The following ABCC9 variants were observed in gnomAD, a reference collection of about 807,000 sequenced individuals.
ABCC9 encodes the protein ATP binding cassette subfamily C member 9.
In ABCC9, 95 loss-of-function variants were observed where a neutral mutation model predicts 188.3. The observed-to-expected ratio is 0.50, with a 90% confidence interval of 0.43 to 0.60. ABCC9 has a LOEUF of 0.60. Ranked by LOEUF, ABCC9 falls within the 20% of genes least tolerant of loss-of-function variation. The pLI is 0.00. For missense variants in ABCC9, 1,102 were observed against 1,876.3 expected, an observed-to-expected ratio of 0.59 and a Z score of 7.62; for synonymous variants, 659 against 652.7, an observed-to-expected ratio of 1.01 and a Z score of -0.15.
chr12:21,878,352 G>T (rs1283796), intron 16 of ABCC9, among the ~76,000 whole-genome samples: 151,733 of 152,322 alleles, frequency 1, 75,575 homozygotes, highest in Middle Eastern at 1. Context: ...TTCGTGATAT[G>T]ATGAAGAATG....
At chr12:21,899,176 C>A (rs1299015540) in intron 12 of ABCC9, among the ~76,000 whole-genome samples, 3 of 152,146 alleles carry the variant, frequency 2.0e-5, no homozygotes, top group African/African-American at 7.2e-5. Flanking sequence ...AAAAACTGTT[C>A]TTGGAGTTAT....
At position 21,852,234 on chromosome 12, in the gene ABCC9, G is replaced by A. The variant is rs531565271; in HGVS notation, c.2644-12C>T. 30 of 1,613,656 alleles carry A rather than the reference G, an allele frequency of 1.9e-5. No individual in the cohort carries two copies. The highest frequency in any genetic ancestry group is 1.1e-4 in the South Asian group (10 of 91,074). ...TTCATGGCTATGATCTAAGGAAAGC[G>A]GATATTCCCAGAAATGTGACGAAAA... On this transcript the variant is annotated splice_polypyrimidine_tract_variant and intron_variant, in intron 23 of 39. Transcript: ENST00000261200.
At chr12:21,872,767 A>T (rs376179284) in intron 17 of ABCC9, 37 bp from the exon 18 acceptor site, 2 of 1,438,634 alleles carry the variant, frequency 1.4e-6, no homozygotes, top group Non-Finnish European at 2.0e-6. Context: ...ACAGAATGAG[A>T]TGGATTCTTG....
chr12:21,835,510 G>T (rs1212325561), intron 30 of ABCC9, among the ~76,000 whole-genome samples: 2 of 152,190 alleles, frequency 1.3e-5, no homozygotes, highest in African/African-American at 4.8e-5. Flanking sequence ...TTTCAGCAAT[G>T]AGATAGGCAC....
intron 22 of ABCC9, among the ~76,000 whole-genome samples, chr12:21,858,108 G>A (rs1945322508): frequency 6.6e-6 from 1 of 152,138 alleles, no homozygotes; most frequent in African/African-American, 2.4e-5. Flanking sequence ...TACAATTGAA[G>A]TAGGTTGGAG....
intron 26 of ABCC9, 29 bp from the exon 27 acceptor site, chr12:21,844,944 T>C (rs1244102664): frequency 1.2e-6 from 2 of 1,611,804 alleles, no homozygotes; most frequent in East Asian, 2.2e-5. Flanking sequence ...AAAAAGCACA[T>C]AGGAAATTAT....
chr12:21,930,813 T>C (rs1006124337), intron 4 of ABCC9, among the ~76,000 whole-genome samples: 3 of 152,124 alleles, frequency 2.0e-5, no homozygotes, highest in Admixed American at 6.5e-5. Context: ...ATGAAAAAAC[T>C]TAAAGGCACC....
chr12:21,829,529 A>G (rs1457627838), intron 30 of ABCC9, among the ~76,000 whole-genome samples: 1 of 152,190 alleles, frequency 6.6e-6, no homozygotes, highest in Non-Finnish European at 1.5e-5. Context: ...TTCAAAATAA[A>G]GACCAGCTAC....
intron 32 of ABCC9, 132 bp downstream of exon 32, chr12:21,818,017 AC>A: frequency 3.5e-6 from 1 of 286,590 alleles, no homozygotes; most frequent in Non-Finnish European, 6.9e-6. Flanking sequence ...CCTCACCCCC[AC>A]CCCCCAATAG....
At chr12:21,928,356 GAA>G (rs1340780752) in intron 4 of ABCC9, among the ~76,000 whole-genome samples, 1 of 142,882 alleles carries the variant, frequency 7.0e-6, no homozygotes, top group African/African-American at 2.6e-5. Context: ...AAAAGAGAAA[GAA>G]AGAAAGAAAA....
chr12:21,915,514 A>ATATATTTTTTTTTTTTTTTTT, intron 7 of ABCC9, among the ~76,000 whole-genome samples, 154 bp downstream of exon 7: 1 of 3,522 alleles, frequency 2.8e-4, no homozygotes, highest in African/African-American at 1.1e-3. Flanking sequence ...ATATATATAT[A>ATATATTTTTTTTTTTTTTTTT]TTTTTTTTTT....
chr12:21,864,345 T>C, intron 19 of ABCC9, 94 bp downstream of exon 19: 3 of 949,652 alleles, frequency 3.2e-6, no homozygotes, highest in Non-Finnish European at 5.1e-6. Flanking sequence ...TAAATAACTA[T>C]ACATTATCAG....
At position 21,816,188 on chromosome 12, in the gene ABCC9, C is replaced by T. The variant is rs112971704; in HGVS notation, c.3893-295G>A. On this transcript the variant is annotated intron_variant, in intron 33 of 39. Transcript: ENST00000261200. ...CCATCATCATCTCTCCTTAGCATTC[C>T]GTCACTCAATTCTATTCAAAGTGGA... Among the ~76,000 whole-genome samples, 691 of 151,300 alleles carry T rather than the reference C, an allele frequency of 4.6e-3. No individual in the cohort carries two copies. Among genetic ancestry groups the T allele is most frequent in the African/African-American group, 0.016 (649 of 41,254 alleles).
chr12:21,863,185 A>C (rs1945607734), intron 19 of ABCC9, 131 bp from the exon 20 acceptor site: 3 of 671,132 alleles, frequency 4.5e-6, no homozygotes, highest in Non-Finnish European at 7.6e-6. Context: ...AACTTCTAAA[A>C]GAGAAAAATT....
intron 19 of ABCC9, among the ~76,000 whole-genome samples, chr12:21,864,175 A>C (rs752060665): frequency 3.9e-4 from 60 of 152,140 alleles, no homozygotes; most frequent in Non-Finnish European, 7.5e-4. Context: ...AACCCAGTTT[A>C]CTGAGGATAG....
chr12:21,936,441 T>A, intron 3 of ABCC9, 92 bp downstream of exon 3: 1 of 1,137,978 alleles, frequency 8.8e-7, no homozygotes, highest in Non-Finnish European at 1.3e-6. Context: ...GCTTCCATGT[T>A]ACAGAAATTA....
At chr12:21,927,830 G>A (rs1381463947) in intron 4 of ABCC9, among the ~76,000 whole-genome samples, 3 of 152,162 alleles carry the variant, frequency 2.0e-5, no homozygotes, top group African/African-American at 7.2e-5. Flanking sequence ...ACCACCTCCT[G>A]TAAATAGATC....
At chr12:21,929,031 C>A (rs186423430) in intron 4 of ABCC9, among the ~76,000 whole-genome samples, 4 of 151,810 alleles carry the variant, frequency 2.6e-5, no homozygotes, top group African/African-American at 9.7e-5. Context: ...TTTTGAAAGA[C>A]AGAAAATGAT....
chr12:21,882,859 T>C lies in ABCC9; in HGVS notation c.1926A>G (p.Ile642Met), dbSNP rs552092424. 1 of 1,614,010 alleles carries C rather than the reference T, an allele frequency of 6.2e-7. No individual in the cohort carries two copies. Among genetic ancestry groups the C allele is most frequent in the South Asian group, 1.1e-5 (1 of 91,086 alleles). ...GATATCTTCCAGGCTGTTTCCTGTT[T>C]ATAGTTTTTGGCTGCTGCATTCCAA... ...KKHTGVQPKTINRKQPGRYHL... is the reference protein window; with the variant it reads ...KKHTGVQPKTMNRKQPGRYHL... Residue 642 changes from isoleucine to methionine, a missense_variant, in exon 16 of 40, where the codon ATA (isoleucine) becomes ATG (methionine). By Grantham distance (10) the Ile-to-Met change is conservative. Coordinates refer to ENST00000261200, the MANE Select transcript of ABCC9 (RefSeq NM_020297.4).
Sources: allele counts gnomAD v4.1 joint callset (sites outside exome capture counted in the v4.1 genomes callset), GRCh38; gene constraint gnomAD v4.1.1; transcripts MANE v1.5; gene names NCBI Gene and HGNC (gene_info 2026-07-23, HGNC 2026-07-21).